UBXN2A: variants seen among roughly 807,000 people sequenced by gnomAD.
The protein encoded by UBXN2A is UBX domain-containing protein 2A.
Under a neutral mutation model 28.4 loss-of-function variants are expected in UBXN2A, and 28 were observed. That is an observed-to-expected ratio of 0.99 (90% CI 0.73 to 1.35). The LOEUF (loss-of-function observed/expected upper bound fraction) is 1.35. Among genes scored for constraint, UBXN2A ranks in the 40% most tolerant of loss-of-function variants. The pLI is 0.00. For synonymous variants in UBXN2A, 97 were observed against 103.6 expected (o/e 0.94, Z 0.39); for missense variants, 253 against 297.9 (o/e 0.85, Z 1.11).
At chr2:23,950,401 A>G (rs1482242672) in intron 1 of UBXN2A, among the ~76,000 whole-genome samples, 2 of 151,892 alleles carry the variant, frequency 1.3e-5, no homozygotes, top group African/African-American at 4.8e-5. Flanking sequence ...TTTTTATTTT[A>G]TTATTATTAT....
intron 2 of UBXN2A, among the ~76,000 whole-genome samples, chr2:23,960,239 G>C (rs1264634523): frequency 6.6e-6 from 1 of 151,962 alleles, no homozygotes. Context: ...CTGGGCGACA[G>C]AGTGAGACTC....
intron 6 of UBXN2A, among the ~76,000 whole-genome samples, chr2:23,986,680 T>C (rs921276973): frequency 6.6e-6 from 1 of 151,184 alleles, no homozygotes; most frequent in African/African-American, 2.4e-5. Context: ...CGATCTCAGC[T>C]CACTGCAACC....
intron 6 of UBXN2A, among the ~76,000 whole-genome samples, chr2:23,992,188 T>G (rs1361963603): frequency 2.0e-5 from 3 of 152,084 alleles, no homozygotes; most frequent in Non-Finnish European, 4.4e-5. Flanking sequence ...GCCAGGCTGG[T>G]CTTGATCTCC....
At chr2:23,997,747 C>G (rs1191924836) in intron 6 of UBXN2A, among the ~76,000 whole-genome samples, 1 of 150,110 alleles carries the variant, frequency 6.7e-6, no homozygotes, top group African/African-American at 2.4e-5. Context: ...TACCCGGCCT[C>G]TAAAGCCTTT....
At chr2:23,981,476 TAAAAAAAAAAAAAAAA>T (rs55665209) in intron 4 of UBXN2A, among the ~76,000 whole-genome samples, 16 of 28,910 alleles carry the variant, frequency 5.5e-4, no homozygotes, top group Middle Eastern at 0.031. Context: ...AGCTCCTATC[TAAAAAAAAAAAAAAAA>T]AAAAAAAAAA....
chr2:23,982,691 A>T (rs897646293), intron 4 of UBXN2A, among the ~76,000 whole-genome samples: 3 of 152,314 alleles, frequency 2.0e-5, no homozygotes, highest in Middle Eastern at 3.4e-3. Flanking sequence ...TCATGAGCTT[A>T]TGGTCTTAAA....
At chr2:23,955,489 T>G (rs1433330066) in intron 1 of UBXN2A, among the ~76,000 whole-genome samples, 2 of 152,206 alleles carry the variant, frequency 1.3e-5, no homozygotes, top group East Asian at 1.9e-4. Flanking sequence ...ATTTTAAATC[T>G]TGTATATATA....
At chr2:23,969,433 G>A (rs1334487874) in intron 2 of UBXN2A, among the ~76,000 whole-genome samples, 1 of 151,722 alleles carries the variant, frequency 6.6e-6, no homozygotes, top group African/African-American at 2.4e-5. Flanking sequence ...TGCAATCTCG[G>A]CTCACTGTGA....
chr2:23,984,006 G>C (rs1371671495), intron 5 of UBXN2A, among the ~76,000 whole-genome samples: 9 of 152,086 alleles, frequency 5.9e-5, no homozygotes, highest in African/African-American at 2.2e-4. Flanking sequence ...ACCACTGTCT[G>C]CAACATTTTG....
intron 6 of UBXN2A, among the ~76,000 whole-genome samples, chr2:23,989,932 A>C (rs968746253): frequency 3.9e-5 from 6 of 152,214 alleles, no homozygotes; most frequent in Non-Finnish European, 5.9e-5. Flanking sequence ...GGATTGTTCT[A>C]ATTTTCTCCT....
intron 6 of UBXN2A, among the ~76,000 whole-genome samples, chr2:23,987,445 A>G (rs1285198098): frequency 2.0e-5 from 3 of 152,108 alleles, no homozygotes; most frequent in Admixed American, 6.6e-5. Context: ...TGTTTTGCTT[A>G]TTTCCAAATA....
chr2:23,993,237 A>G (rs906475504), intron 6 of UBXN2A, among the ~76,000 whole-genome samples: 1 of 152,208 alleles, frequency 6.6e-6, no homozygotes, highest in Admixed American at 6.5e-5. Context: ...TTCTGGCCCA[A>G]GCTTATTTGT....
chr2:23,991,220 G>A (rs1027150301), intron 6 of UBXN2A, among the ~76,000 whole-genome samples: 1 of 152,070 alleles, frequency 6.6e-6, no homozygotes, highest in Non-Finnish European at 1.5e-5. Flanking sequence ...TTCTGTCAAT[G>A]TTTGCTTTAT....
intron 1 of UBXN2A, among the ~76,000 whole-genome samples, chr2:23,948,509 T>TC (rs1384398716): frequency 1.3e-5 from 2 of 152,146 alleles, no homozygotes; most frequent in Non-Finnish European, 2.9e-5. Flanking sequence ...CACCTCGGCC[T>TC]CCCAAAGTGC....
At position 24,000,085 on chromosome 2, in the gene UBXN2A, G is replaced by A; in HGVS notation, c.*218G>A. On this transcript the variant is annotated 3_prime_UTR_variant, in exon 7 of 7. Transcript: ENST00000309033. ...TGCACTTTCTCCAAAAGACTACCCA[G>A]AAAAATAGACTTATTTTCAAATACC... 2.0e-6 allele frequency: 1 copy of A among 490,214 alleles called. No homozygotes were observed. Among genetic ancestry groups the A allele is most frequent in the Non-Finnish European group, 3.6e-6 (1 of 280,928 alleles). 30.4% of individuals were successfully genotyped at this position (490,214 alleles called of 1,614,324 possible). A position where few individuals can be genotyped will look rare whatever the true frequency, so the allele number is the denominator to read the frequency against.
chr2:23,980,833 G>A (rs138986478), intron 4 of UBXN2A, among the ~76,000 whole-genome samples: 5 of 152,062 alleles, frequency 3.3e-5, no homozygotes, highest in East Asian at 1.9e-4. Context: ...TACCATGTTC[G>A]CCAGGCTGGT....
At chr2:23,937,182 T>C (rs935729706), upstream of UBXN2A, among the ~76,000 whole-genome samples, 1 of 152,162 alleles carries the variant, frequency 6.6e-6, no homozygotes, top group Non-Finnish European at 1.5e-5. Context: ...TTCAACATTG[T>C]ACTGGAAGTT....
chr2:23,989,182 A>C (rs1254294262), intron 6 of UBXN2A, among the ~76,000 whole-genome samples: 3 of 152,170 alleles, frequency 2.0e-5, no homozygotes, highest in Non-Finnish European at 4.4e-5. Flanking sequence ...TCATTCTATG[A>C]GGCCAGCATT....
At position 23,966,914 on chromosome 2, in the gene UBXN2A, C is replaced by T. The variant is rs565816790; in HGVS notation, c.42-4362C>T. 4.6e-5 allele frequency among the ~76,000 whole-genome samples: 7 copies of T among 151,866 alleles called. No homozygotes were observed. In the South Asian group the frequency reaches 6.3e-4, roughly 14 times the overall value. ...CTGGGGCTACAGGTGTGCACCACCACGCCCAGCTTATTCTTTTCTTTTTTT... is the reference window on the plus strand; with the variant it reads ...CTGGGGCTACAGGTGTGCACCACCATGCCCAGCTTATTCTTTTCTTTTTTT... On this transcript the variant is annotated intron_variant, in intron 2 of 6. Coordinates refer to ENST00000309033, the MANE Select transcript of UBXN2A (RefSeq NM_181713.4).
Sources: gnomAD v4.1 joint callset for allele counts (sites outside exome capture counted in the v4.1 genomes callset) on GRCh38, gnomAD v4.1.1 for gene constraint, MANE v1.5 for transcripts, NCBI Gene and HGNC (gene_info 2026-07-23, HGNC 2026-07-21) for gene names.